The following DLAT variants were observed in gnomAD, a reference collection of about 807,000 sequenced individuals.
DLAT encodes the protein dihydrolipoamide S-acetyltransferase, also known as dihydrolipoyllysine-residue acetyltransferase component of pyruvate dehydrogenase complex, mitochondrial.
A neutral mutation model predicts 68.0 loss-of-function variants in DLAT; 43 were observed. The observed-to-expected ratio is 0.63, with a 90% confidence interval of 0.50 to 0.81. The LOEUF (loss-of-function observed/expected upper bound fraction) is 0.81, where lower values mean the gene tolerates loss of function less well. Among genes scored for constraint, DLAT ranks in the 40% least tolerant of loss-of-function variants. The probability of loss-of-function intolerance (pLI) is 0.00; values close to 1 mark genes in which losing one functional copy is unlikely to be tolerated. For missense variants in DLAT, 745 were observed against 815.4 expected, an observed-to-expected ratio of 0.91 and a Z score of 1.05; for synonymous variants, 265 against 288.6, an observed-to-expected ratio of 0.92 and a Z score of 0.83.
intron 11 of DLAT, among the ~76,000 whole-genome samples, chr11:112,056,800 A>G (rs1864119142): frequency 6.6e-6 from 1 of 152,222 alleles, no homozygotes; most frequent in African/African-American, 2.4e-5. Context: ...AATAGTGGAT[A>G]AGTGTTCCAG....
intron 10 of DLAT, among the ~76,000 whole-genome samples, chr11:112,046,445 G>A (rs1395818914): frequency 7.4e-6 from 1 of 135,488 alleles, no homozygotes; most frequent in Admixed American, 7.4e-5. Flanking sequence ...TTTTTTTTTT[G>A]TAGATCTTGT....
At chr11:112,052,876 C>T (rs1336362810) in intron 11 of DLAT, among the ~76,000 whole-genome samples, 1 of 152,020 alleles carries the variant, frequency 6.6e-6, no homozygotes, top group Non-Finnish European at 1.5e-5. Flanking sequence ...GGATCCCACC[C>T]TAAGTATCCG....
At chr11:112,029,383 A>C (rs1313380849) in intron 4 of DLAT, among the ~76,000 whole-genome samples, 1 of 152,194 alleles carries the variant, frequency 6.6e-6, no homozygotes, top group African/African-American at 2.4e-5. Flanking sequence ...TACAAGAAGC[A>C]GGGCGCCAGC....
chr11:112,060,003 AATG>A lies in DLAT; in HGVS notation c.1619_1621del (p.Asp540del). ...TATAAAAGGAGTGGAAACCATTGCT[AATG>A]ATGTTGTTTCTTTAGCAACCAAAGC... On this transcript the variant is annotated inframe_deletion, in exon 12 of 14. Transcript: ENST00000280346. The A allele has an allele frequency of 6.2e-7, 1 of 1,614,036 alleles. No individual in the cohort carries two copies. Among genetic ancestry groups the A allele is most frequent in the Non-Finnish European group, 8.5e-7 (1 of 1,179,964 alleles).
intron 11 of DLAT, among the ~76,000 whole-genome samples, chr11:112,052,846 G>A (rs934337537): frequency 2.6e-5 from 4 of 151,868 alleles, no homozygotes; most frequent in Admixed American, 1.3e-4. Flanking sequence ...AGTGACTGGC[G>A]CCATCCCGAG....
chr11:112,060,712 CG>C (rs1465796492), intron 12 of DLAT, among the ~76,000 whole-genome samples: 1 of 151,976 alleles, frequency 6.6e-6, no homozygotes, highest in African/African-American at 2.4e-5. Context: ...ATGATCCACC[CG>C]CCTCACCCTC....
chr11:112,056,024 C>T (rs1555182514), intron 11 of DLAT, among the ~76,000 whole-genome samples: 2 of 151,330 alleles, frequency 1.3e-5, no homozygotes, highest in African/African-American at 4.9e-5. Context: ...CATGCCACCA[C>T]ACCCAGCTAA....
intron 8 of DLAT, 142 bp downstream of exon 8, chr11:112,043,675 C>G: frequency 1.2e-6 from 1 of 856,344 alleles, no homozygotes; most frequent in East Asian, 2.5e-5. Context: ...AGTCATCCCT[C>G]GGTACCCATG....
chr11:112,044,756 G>A (rs922577361), intron 8 of DLAT, among the ~76,000 whole-genome samples: 5 of 152,066 alleles, frequency 3.3e-5, no homozygotes, highest in Admixed American at 2.0e-4. Flanking sequence ...TTTTAGACTG[G>A]ACATGGTGGC....
intron 10 of DLAT, 98 bp downstream of exon 10, chr11:112,046,068 TCA>T: frequency 1.4e-6 from 1 of 715,164 alleles, no homozygotes; most frequent in Non-Finnish European, 2.5e-6. Flanking sequence ...TTACAATATA[TCA>T]GTTGGTGGTT....
intron 6 of DLAT, 41 bp downstream of exon 6, chr11:112,037,501 C>T: frequency 6.3e-7 from 1 of 1,594,524 alleles, no homozygotes; most frequent in Non-Finnish European, 8.6e-7. Context: ...TTACCTTGTT[C>T]ATCTCTAAAT....
Position 112,060,013 on chromosome 11 carries a change from T to C in DLAT, c.1625T>C (p.Val542Ala). 6.2e-7 allele frequency: 1 copy of C among 1,614,020 alleles called. No individual in the cohort carries two copies. Among genetic ancestry groups the C allele is most frequent in the Non-Finnish European group, 8.5e-7 (1 of 1,179,920 alleles). Residue 542 changes from valine to alanine, a missense_variant, in exon 12 of 14, where the codon GTT (valine) becomes GCT (alanine). Coordinates refer to ENST00000280346, the MANE Select transcript of DLAT (RefSeq NM_001931.5). ...GTGGAAACCATTGCTAATGATGTTG[T>C]TTCTTTAGCAACCAAAGCAAGAGAG... The part of the protein sequence containing the change: ...KGVETIANDV[V>A]SLATKAREGK...
intron 5 of DLAT, among the ~76,000 whole-genome samples, chr11:112,035,784 C>T (rs587599992): frequency 7.2e-6 from 1 of 139,428 alleles, no homozygotes; most frequent in East Asian, 2.2e-4. Context: ...CACCACCGCA[C>T]CCAGCCTTTT....
At chr11:112,036,073 G>A (rs1862709170) in intron 5 of DLAT, among the ~76,000 whole-genome samples, 2 of 151,486 alleles carry the variant, frequency 1.3e-5, no homozygotes, top group Admixed American at 6.6e-5. Context: ...TAACAGGCGT[G>A]AGCCACCGTG....
intron 13 of DLAT, chr11:112,061,447 G>A: frequency 2.5e-6 from 1 of 393,150 alleles, no homozygotes; most frequent in East Asian, 5.1e-5. Context: ...AATTCAAGTT[G>A]TGCTTACTGG....
chr11:112,039,681 A>G (rs898867105), intron 7 of DLAT, among the ~76,000 whole-genome samples: 4 of 152,026 alleles, frequency 2.6e-5, no homozygotes, highest in African/African-American at 9.7e-5. Flanking sequence ...GTGAAAGTAT[A>G]TGTAAAATTT....
At chr11:112,027,017 C>A (rs4456288) in intron 2 of DLAT, among the ~76,000 whole-genome samples, 1 of 150,656 alleles carries the variant, frequency 6.6e-6, no homozygotes, top group East Asian at 2.0e-4. Flanking sequence ...CCCTCCCAGA[C>A]GGGGCGGCTG....
Position 112,062,536 on chromosome 11 carries a change from C to T in DLAT, c.*1C>T. The T allele has an allele frequency of 6.2e-7, 1 of 1,612,192 alleles. No homozygotes were observed. The highest frequency in any genetic ancestry group is 1.1e-5 in the South Asian group (1 of 90,996). On this transcript the variant is annotated 3_prime_UTR_variant, in exon 14 of 14. Coordinates refer to ENST00000280346, the MANE Select transcript of DLAT (RefSeq NM_001931.5). ...AAAACCTATCACTATGTTGTTGTAACTAACTCAAGAATTTCTAAACTCTCC... is the reference window on the plus strand; with the variant it reads ...AAAACCTATCACTATGTTGTTGTAATTAACTCAAGAATTTCTAAACTCTCC...
Position 112,031,740 on chromosome 11 carries a change from A to ATT in DLAT, c.661-1644_661-1643dup, listed in dbSNP as rs35661701. ...AGGCACGTGCCACCATGCCCAGCTA[A>ATT]TTTTTTTTTTTTTTTTTTTTTAAGA... On this transcript the variant is annotated intron_variant, in intron 4 of 13. Transcript: ENST00000280346. 9.0e-5 allele frequency among the ~76,000 whole-genome samples: 12 copies of ATT among 133,494 alleles called. No individual in the cohort carries two copies. The South Asian group carries it at 9.9e-4, about 11-fold the overall frequency. 87.6% of individuals were successfully genotyped at this position (133,494 alleles called of 152,430 possible).
Sources: allele counts gnomAD v4.1 joint callset (sites outside exome capture counted in the v4.1 genomes callset), GRCh38; gene constraint gnomAD v4.1.1; transcripts MANE v1.5; gene names NCBI Gene and HGNC (gene_info 2026-07-23, HGNC 2026-07-21).